Variants in PDE1C observed in about 807,000 individuals in gnomAD.
PDE1C encodes the protein phosphodiesterase 1C.
PDE1C carries 62 observed loss-of-function variants against 93.1 expected under a neutral mutation model. The ratio of observed to expected loss-of-function variants is 0.67; its 90% confidence interval spans 0.54 to 0.82. The LOEUF is 0.82. PDE1C is among the 40% of genes least tolerant of loss of function. The probability of loss-of-function intolerance (pLI) is 0.00; values close to 1 mark genes in which losing one functional copy is unlikely to be tolerated. For synonymous variants in PDE1C, 325 were observed against 310.1 expected (o/e 1.05, Z -0.50); for missense variants, 742 against 884.6 (o/e 0.84, Z 2.04).
chr7:31,838,778 C>A (rs1356705325), intron 9 of PDE1C, among the ~76,000 whole-genome samples: 2 of 152,008 alleles, frequency 1.3e-5, no homozygotes, highest in Non-Finnish European at 2.9e-5. Flanking sequence ...AAACTGCTTA[C>A]AATTTACATA....
intron 1 of PDE1C, among the ~76,000 whole-genome samples, chr7:32,051,898 G>C (rs1265005184): frequency 6.6e-6 from 1 of 152,086 alleles, no homozygotes; most frequent in Non-Finnish European, 1.5e-5. Flanking sequence ...ACAAAATCTA[G>C]GTTCAAACCT....
intron 1 of PDE1C, among the ~76,000 whole-genome samples, chr7:32,336,201 CAA>C (rs1783620656): frequency 6.6e-6 from 1 of 152,062 alleles, no homozygotes; most frequent in African/African-American, 2.4e-5. Flanking sequence ...GCAAATTTCC[CAA>C]AATGTGGGTG....
At chr7:32,109,458 C>T (rs1425367251) in intron 3 of PDE1C, among the ~76,000 whole-genome samples, 1 of 152,096 alleles carries the variant, frequency 6.6e-6, no homozygotes, top group Non-Finnish European at 1.5e-5. Flanking sequence ...TCAGCCTCAG[C>T]ACTACTGATG....
At chr7:31,872,867 G>A (rs1441409878) in intron 6 of PDE1C, among the ~76,000 whole-genome samples, 2 of 152,098 alleles carry the variant, frequency 1.3e-5, no homozygotes, top group Non-Finnish European at 2.9e-5. Flanking sequence ...GATAGTATTT[G>A]TCTGAATGAG....
intron 1 of PDE1C, among the ~76,000 whole-genome samples, chr7:32,265,011 G>C (rs1411332875): frequency 1.3e-5 from 2 of 152,180 alleles, no homozygotes; most frequent in Admixed American, 1.3e-4. Flanking sequence ...AATGGCAACA[G>C]TCCAGTTTGT....
the PDE1C span, among the ~76,000 whole-genome samples, chr7:31,731,556 A>G: frequency 6.6e-6 from 1 of 152,160 alleles, no homozygotes; most frequent in East Asian, 1.9e-4. Flanking sequence ...AGCCTGGCTA[A>G]TTTTTGTATT....
the PDE1C span, among the ~76,000 whole-genome samples, chr7:31,622,662 T>C: frequency 1.3e-5 from 2 of 151,528 alleles, no homozygotes; most frequent in South Asian, 4.2e-4. Context: ...GCAGGAAAGA[T>C]CCAAAATTGA....
At chr7:31,963,791 A>G (rs1352156323) in intron 2 of PDE1C, among the ~76,000 whole-genome samples, 2 of 152,218 alleles carry the variant, frequency 1.3e-5, no homozygotes, top group Non-Finnish European at 2.9e-5. Context: ...CTGGCATTGA[A>G]TTAGGCTAGA....
intron 2 of PDE1C, among the ~76,000 whole-genome samples, chr7:31,945,797 A>G (rs1262076813): frequency 6.6e-6 from 1 of 152,120 alleles, no homozygotes; most frequent in African/African-American, 2.4e-5. Context: ...CAGAATTCCA[A>G]TATTGCTTAT....
At chr7:32,214,958 T>C (rs1433747430) in intron 1 of PDE1C, among the ~76,000 whole-genome samples, 1 of 143,616 alleles carries the variant, frequency 7.0e-6, no homozygotes, top group Admixed American at 7.4e-5. Context: ...CCAAGTGTGA[T>C]CAGCTAGGGA....
intron 3 of PDE1C, among the ~76,000 whole-genome samples, chr7:32,099,221 C>A (rs1383796515): frequency 6.6e-6 from 1 of 151,924 alleles, no homozygotes; most frequent in Non-Finnish European, 1.5e-5. Context: ...AAGCCAGACC[C>A]CAAAAATAGT....
At chr7:32,126,961 G>A (rs1799618460) in intron 3 of PDE1C, among the ~76,000 whole-genome samples, 1 of 152,266 alleles carries the variant, frequency 6.6e-6, no homozygotes, top group East Asian at 1.9e-4. Context: ...ACGTGTGAGA[G>A]TGTTTCTGGA....
chr7:31,792,082 A>G (rs1414295713), intron 16 of PDE1C, among the ~76,000 whole-genome samples: 1 of 152,074 alleles, frequency 6.6e-6, no homozygotes, highest in East Asian at 1.9e-4. Flanking sequence ...AACAAGAAGC[A>G]TATGTTCTAT....
the PDE1C span, among the ~76,000 whole-genome samples, chr7:31,729,292 G>C: frequency 6.6e-6 from 1 of 152,166 alleles, no homozygotes; most frequent in East Asian, 1.9e-4. Context: ...CCTTGTGTGA[G>C]GTTAGCTTAG....
At chr7:32,286,900 T>TA (rs1812037838) in intron 1 of PDE1C, among the ~76,000 whole-genome samples, 1 of 152,174 alleles carries the variant, frequency 6.6e-6, no homozygotes, top group Non-Finnish European at 1.5e-5. Context: ...TTCATTTTGT[T>TA]AAAAAATGAA....
At chr7:31,676,618 T>C in the PDE1C span, among the ~76,000 whole-genome samples, 1 of 152,082 alleles carries the variant, frequency 6.6e-6, no homozygotes, top group Non-Finnish European at 1.5e-5. Context: ...GGTGTGTGTG[T>C]ATAATTAATT....
chr7:31,836,767 G>T (rs117214486), intron 11 of PDE1C, among the ~76,000 whole-genome samples: 4,104 of 152,090 alleles, frequency 0.027, 71 homozygotes, highest in South Asian at 0.067. Flanking sequence ...TTGCGTCTTG[G>T]ACTTGTCCAT....
intron 1 of PDE1C, among the ~76,000 whole-genome samples, chr7:32,295,579 A>G (rs542746508): frequency 6.6e-6 from 1 of 152,326 alleles, no homozygotes; most frequent in South Asian, 2.1e-4. Flanking sequence ...CAATTAAGCT[A>G]CTAGAAGTTT....
intron 3 of PDE1C, among the ~76,000 whole-genome samples, chr7:32,081,460 C>A (rs1422122965): frequency 6.6e-6 from 1 of 152,156 alleles, no homozygotes; most frequent in Non-Finnish European, 1.5e-5. Context: ...CAGAAGTACC[C>A]ACTGCATCCT....
Sources: gnomAD v4.1 joint callset for allele counts (sites outside exome capture counted in the v4.1 genomes callset) on GRCh38, gnomAD v4.1.1 for gene constraint, MANE v1.5 for transcripts, NCBI Gene and HGNC (gene_info 2026-07-23, HGNC 2026-07-21) for gene names.